The following PDE4DIP variants were observed in gnomAD, a reference collection of about 807,000 sequenced individuals.
PDE4DIP encodes phosphodiesterase 4D interacting protein.
PDE4DIP carries 59 observed loss-of-function variants against 221.4 expected under a neutral mutation model. The ratio of observed to expected loss-of-function variants is 0.27; its 90% CI spans 0.22 to 0.33. The LOEUF is 0.33. Among genes scored for constraint, PDE4DIP ranks in the 10% least tolerant of loss-of-function variants. PDE4DIP has a pLI of 1.00. For synonymous variants in PDE4DIP, 404 were observed against 815.9 expected (o/e 0.50, Z 8.60); for missense variants, 1,036 against 2,154.2 (o/e 0.48, Z 10.28).
chr1:148,934,998 C>G (rs1201375455), intron 4 of PDE4DIP, among the ~76,000 whole-genome samples: 1 of 151,842 alleles, frequency 6.6e-6, no homozygotes, highest in African/African-American at 2.4e-5. Context: ...CCGAGGCGGG[C>G]GGATCACGAG....
chr1:148,933,432 A>G (rs622753), intron 4 of PDE4DIP, among the ~76,000 whole-genome samples: 2,888 of 101,880 alleles, frequency 0.028, 1 homozygote, highest in African/African-American at 0.042. Context: ...CTGGGCAATT[A>G]TTGAGGTCAC....
Position 148,962,308 on chromosome 1 carries a change from G to T in PDE4DIP, c.981+20G>T, listed in dbSNP as rs1553512318. 1.3e-6 allele frequency: 2 copies of T among 1,545,946 alleles called. No individual in the cohort carries two copies. The highest frequency in any genetic ancestry group is 2.7e-5 in the African/African-American group (2 of 73,672). On this transcript the variant is annotated intron_variant, in intron 8 of 43. Coordinates refer to ENST00000369354, the Ensembl canonical transcript of PDE4DIP. ...CTTCACGTATGTGAGGGTCACGTAG[G>T]ACAGGAGAGACTTCAGTTGGGGATG...
chr1:148,969,315 TGC>T (rs1246813432), intron 14 of PDE4DIP, among the ~76,000 whole-genome samples: 4 of 148,226 alleles, frequency 2.7e-5, no homozygotes, highest in Non-Finnish European at 6.0e-5. Context: ...TGTGAGCTGC[TGC>T]GCCTGGCCTT....
chr1:149,022,976 T>C (rs1575550041), intron 37 of PDE4DIP, among the ~76,000 whole-genome samples: 2 of 152,392 alleles, frequency 1.3e-5, no homozygotes, highest in South Asian at 2.1e-4. Flanking sequence ...ATAAGCAAAA[T>C]TTAGTGAGAA....
At position 148,971,577 on chromosome 1, in the gene PDE4DIP, G is replaced by A. The variant is rs587666860; in HGVS notation, c.1981-603G>A. On this transcript the variant is annotated intron_variant, in intron 14 of 43. Coordinates refer to ENST00000369354, the Ensembl canonical transcript of PDE4DIP. ...ACATCCGTCACTACACATTTTATGC[G>A]TGTATGGTGAAACCACTTAAGATCT... is the stretch of plus-strand genomic sequence containing the variant. Among the ~76,000 whole-genome samples the A allele has an allele frequency of 3.0e-4, 45 of 152,024 alleles. 1 individual carries two copies. In the South Asian group the frequency reaches 6.2e-3, roughly 21 times the overall value.
intron 1 of PDE4DIP, among the ~76,000 whole-genome samples, chr1:148,890,817 T>C (rs1698312190): frequency 1.4e-5 from 1 of 70,316 alleles, no homozygotes. Flanking sequence ...CAGGCTGGTC[T>C]CAAACTCCTG....
At chr1:149,029,569 C>T (rs1258555259) in intron 41 of PDE4DIP, among the ~76,000 whole-genome samples, 2 of 152,164 alleles carry the variant, frequency 1.3e-5, no homozygotes, top group African/African-American at 2.4e-5. Flanking sequence ...TAGGCCTGTG[C>T]TAGTCTGCAT....
intron 14 of PDE4DIP, among the ~76,000 whole-genome samples, chr1:148,971,477 A>G (rs868988178): frequency 1.3e-5 from 2 of 152,014 alleles, no homozygotes; most frequent in East Asian, 3.8e-4. Context: ...ATTGACAAAT[A>G]TTGTATATAC....
At chr1:148,859,793 T>TGA (rs1683275111) in intron 1 of PDE4DIP, among the ~76,000 whole-genome samples, 1 of 43,162 alleles carries the variant, frequency 2.3e-5, no homozygotes, top group Admixed American at 2.4e-4. Flanking sequence ...ATTACCACTT[T>TGA]GTGTGTGTGT....
intron 4 of PDE4DIP, among the ~76,000 whole-genome samples, chr1:148,934,339 C>G (rs1445834624): frequency 2.0e-5 from 3 of 151,606 alleles, no homozygotes; most frequent in Non-Finnish European, 4.4e-5. Flanking sequence ...GAACTAAAAA[C>G]CAAAACAAAA....
At chr1:149,010,522 C>T (rs782780319) in exon 31 of PDE4DIP, 32 of 1,613,608 alleles carry the variant, frequency 2.0e-5, no homozygotes, top group African/African-American at 8.0e-5. Context: ...GGGCTAAGGC[C>T]GAATCCAACA....
At chr1:148,997,608 T>A (rs587671769) in intron 22 of PDE4DIP, among the ~76,000 whole-genome samples, 101 of 152,058 alleles carry the variant, frequency 6.6e-4, no homozygotes, top group African/African-American at 2.3e-3. Context: ...ATTCTGTAAC[T>A]GTGTCTGCCG....
intron 21 of PDE4DIP, chr1:148,984,599 A>T (rs1452266694): frequency 1.3e-5 from 2 of 152,126 alleles, no homozygotes; most frequent in African/African-American, 4.8e-5. Flanking sequence ...TTTGGTTCAT[A>T]GCTTCAAAAA....
At chr1:148,951,756 CT>C (rs1348621709) in intron 5 of PDE4DIP, among the ~76,000 whole-genome samples, 6 of 152,422 alleles carry the variant, frequency 3.9e-5, no homozygotes, top group African/African-American at 1.4e-4. Flanking sequence ...CTGCTCTGTG[CT>C]TTTTTATCTA....
At chr1:148,985,649 C>T (rs587739619) in intron 21 of PDE4DIP, 1 of 152,182 alleles carries the variant, frequency 6.6e-6, no homozygotes, top group South Asian at 2.1e-4. Context: ...TAATTCTACC[C>T]GTTTTCAAAT....
chr1:149,010,314 A>G (rs2068215456), intron 30 of PDE4DIP, 129 bp from the exon 34 acceptor site: 1 of 674,898 alleles, frequency 1.5e-6, no homozygotes, highest in African/African-American at 1.8e-5. Flanking sequence ...AACACTGCTA[A>G]CAGTGCTTGT....
intron 1 of PDE4DIP, among the ~76,000 whole-genome samples, chr1:148,925,888 G>A (rs1253091801): frequency 3.3e-5 from 5 of 151,928 alleles, no homozygotes; most frequent in Admixed American, 6.6e-5. Context: ...GCCAGGATTC[G>A]AACCTAATTC....
intron 34 of PDE4DIP, among the ~76,000 whole-genome samples, chr1:149,018,182 C>T (rs2071355934): frequency 6.6e-6 from 1 of 151,912 alleles, no homozygotes; most frequent in Non-Finnish European, 1.5e-5. Flanking sequence ...TGTAAGGGTC[C>T]TCCCACCTCT....
intron 4 of PDE4DIP, 32 bp from the exon 8 acceptor site, chr1:148,937,715 T>C (rs374810308): frequency 8.2e-7 from 1 of 1,212,404 alleles, no homozygotes; most frequent in Non-Finnish European, 1.2e-6. Context: ...ATCATGATCA[T>C]AATTACTGTC....
Sources: allele counts gnomAD v4.1 joint callset (sites outside exome capture counted in the v4.1 genomes callset), GRCh38; gene constraint gnomAD v4.1.1; transcripts MANE v1.5; gene names NCBI Gene and HGNC (gene_info 2026-07-23, HGNC 2026-07-21).